SPTBN5: variants seen among roughly 807,000 people sequenced by gnomAD.
The protein encoded by SPTBN5 is spectrin beta, non-erythrocytic 5, also known as spectrin beta chain, non-erythrocytic 5.
SPTBN5 carries 513 observed loss-of-function variants against 477.6 expected under a neutral mutation model. The observed-to-expected ratio is 1.07, with a 90% CI of 1.00 to 1.16. The LOEUF is 1.16. SPTBN5 is among the 50% of genes most tolerant of loss of function. The probability of loss-of-function intolerance (pLI) is 0.00; values close to 1 mark genes in which losing one functional copy is unlikely to be tolerated. For missense variants in SPTBN5, 5,062 were observed against 4,731.8 expected (o/e 1.07, Z -2.05); for synonymous variants, 2,169 against 2,011.7 (o/e 1.08, Z -2.09).
In SPTBN5 at chr15:41,883,358, T is replaced by A; in HGVS notation, c.1649A>T (p.Glu550Val). 6.2e-7 allele frequency: 1 copy of A among 1,613,254 alleles called. No homozygotes were observed. Among genetic ancestry groups the A allele is most frequent in the Non-Finnish European group, 8.5e-7 (1 of 1,179,778 alleles). The change falls in exon 8 of 68, where the codon GAG becomes GTG. Residue 550 changes from glutamate (E) to valine (V), a missense_variant. Glu to Val is a moderately radical substitution (Grantham distance 121). Transcript: ENST00000320955. ...QEVEAASHQL[E>V]ELQEPARSTA... ...TGGTCCAGTGCCCACCTGCAGCTCCTCCAGCTGGTGGGAGGCAGCCTCCAC... is the reference window on the plus strand; with the variant it reads ...TGGTCCAGTGCCCACCTGCAGCTCCACCAGCTGGTGGGAGGCAGCCTCCAC...
chr15:41,856,335 C>A, intron 53 of SPTBN5, 51 bp downstream of exon 53: 1 of 1,462,046 alleles, frequency 6.8e-7, no homozygotes, highest in South Asian at 1.4e-5. Flanking sequence ...CAGCCGCACT[C>A]GCCCTGTGTT....
chr15:41,881,332 G>A lies in SPTBN5; in HGVS notation c.2458-98C>T, dbSNP rs1044395168. ...CCTCCGTGCCCTGAGACCTGGAGGC[G>A]CTGAGCTGTAGCTCAAAGGGTGTGT... On this transcript the variant is annotated intron_variant, in intron 12 of 67. Coordinates refer to ENST00000320955, the MANE Select transcript of SPTBN5 (RefSeq NM_016642.4). The A allele has an allele frequency of 5.8e-5, 57 of 981,590 alleles. No homozygotes were observed. In the Middle Eastern group the frequency reaches 2.0e-3, roughly 34 times the overall value. 60.8% of individuals were successfully genotyped at this position (981,590 alleles called of 1,614,324 possible). A position where few individuals can be genotyped will look rare whatever the true frequency, so the allele number is the denominator to read the frequency against.
chr15:41,863,743 G>T lies in SPTBN5; in HGVS notation c.7110C>A (p.Ser2370=). The T allele has an allele frequency of 3.7e-6, 6 of 1,613,644 alleles. No homozygotes were observed. The highest frequency in any genetic ancestry group is 5.1e-6 in the Non-Finnish European group (6 of 1,179,882). The change falls in exon 41 of 68, where the codon TCC becomes TCA. Residue 2370 remains serine (S), a synonymous_variant. Coordinates refer to ENST00000320955, the MANE Select transcript of SPTBN5 (RefSeq NM_016642.4). ...LEGALEIHVL[S]RELDNVTKRI... ...TCTTGGTGACATTGTCCAGCTCTCG[G>T]GACAACACGTGTATCTCCAAGGCCC...
At position 41,893,362 on chromosome 15, in the gene SPTBN5, G is replaced by A. The variant is rs371704403; in HGVS notation, c.136C>T (p.Arg46Cys). The A allele has an allele frequency of 5.9e-5, 96 of 1,613,856 alleles. No homozygotes were observed. Among genetic ancestry groups the A allele is most frequent in the Middle Eastern group, 3.3e-4 (2 of 6,082 alleles). Residue 46 changes from arginine (R) to cysteine (C), a missense_variant, in exon 2 of 68, where the codon CGC becomes TGC. Physicochemically the swap from Arg to Cys is radical, Grantham distance 180. Coordinates refer to ENST00000320955, the MANE Select transcript of SPTBN5 (RefSeq NM_016642.4). ...TGCATGTGCCGGGCCTGTAGCTTGCGAATGTGGCCCGTCTCGTACTGAGAG... is the reference window on the plus strand; with the variant it reads ...TGCATGTGCCGGGCCTGTAGCTTGCAAATGTGGCCCGTCTCGTACTGAGAG... ...MDSQYETGHI[R>C]KLQARHMQMQ...
chr15:41,884,277 C>A (rs570556890), intron 7 of SPTBN5, among the ~76,000 whole-genome samples: 1 of 151,956 alleles, frequency 6.6e-6, no homozygotes, highest in African/African-American at 2.4e-5. Flanking sequence ...TGAGCCACTG[C>A]GCCCGGCCAA....
In SPTBN5 at chr15:41,876,819, C is replaced by T. The variant is rs1013384057; in HGVS notation, c.3841G>A (p.Ala1281Thr). 1.3e-6 allele frequency: 2 copies of T among 1,597,136 alleles called. No homozygotes were observed. The highest frequency in any genetic ancestry group is 1.7e-6 in the Non-Finnish European group (2 of 1,175,270). The part of the protein sequence containing the change: ...GEKLVQSQHP[A>T]AHTVREQLQS... ...TGAGGCCAGGCTCACGTGTGTGCAG[C>T]TGGGTGCTGGCTCTGAACCAGCTTC... The change falls in exon 19 of 68, where the codon GCT (alanine) becomes ACT (threonine). Residue 1281 changes from alanine (A) to threonine (T), a missense_variant. Coordinates refer to ENST00000320955, the MANE Select transcript of SPTBN5 (RefSeq NM_016642.4).
chr15:41,870,538 C>T lies in SPTBN5; in HGVS notation c.5470G>A (p.Glu1824Lys). 1 of 1,610,246 alleles carries T rather than the reference C, an allele frequency of 6.2e-7. No individual in the cohort carries two copies. The highest frequency in any genetic ancestry group is 8.5e-7 in the Non-Finnish European group (1 of 1,179,740). ...GCGTGGCCTCGGGCCTGGGTCAGCT[C>T]CCACAGCTCCGACCAGGCGGTCCTG... ...DLQTAWSELW[E>K]LTQARGHALR... The change falls in exon 30 of 68, where the codon GAG (glutamate) becomes AAG (lysine). Residue 1824 changes from glutamate to lysine, a missense_variant. By Grantham distance (56) the Glu-to-Lys change is moderately conservative. Coordinates refer to ENST00000320955, the MANE Select transcript of SPTBN5 (RefSeq NM_016642.4).
Position 41,851,128 on chromosome 15 carries a change from A to C in SPTBN5, c.10766T>G (p.Leu3589Arg). ...CTCACACCGGGCTCCCGTGAGGTCAAGGAGGGCTATGGAAGCTACTTTCTG... is the reference window on the plus strand; with the variant it reads ...CTCACACCGGGCTCCCGTGAGGTCACGGAGGGCTATGGAAGCTACTTTCTG... ...AAEKVASIAL[L>R]DLTGARCERL... The change falls in exon 65 of 68, where the codon CTT becomes CGT. Residue 3589 changes from leucine (L) to arginine (R), a missense_variant. Transcript: ENST00000320955. 1 of 1,613,292 alleles carries C rather than the reference A, an allele frequency of 6.2e-7. No homozygotes were observed. The highest frequency in any genetic ancestry group is 1.1e-5 in the South Asian group (1 of 91,006).
At chr15:41,856,210 A>C (rs545306941) in intron 53 of SPTBN5, among the ~76,000 whole-genome samples, 176 bp downstream of exon 53, 9 of 152,398 alleles carry the variant, frequency 5.9e-5, no homozygotes, top group South Asian at 2.1e-4. Flanking sequence ...GACAAAAGCC[A>C]ACCCAGCCAG....
intron 43 of SPTBN5, 59 bp from the exon 44 acceptor site, chr15:41,862,351 A>G: frequency 6.5e-7 from 1 of 1,544,332 alleles, no homozygotes; most frequent in Non-Finnish European, 8.7e-7. Flanking sequence ...CCCCATGCCC[A>G]CTGGTGTCTT....
At chr15:41,869,767 A>G in intron 32 of SPTBN5, 74 bp downstream of exon 32, 2 of 1,360,890 alleles carry the variant, frequency 1.5e-6, no homozygotes, top group South Asian at 1.7e-5. Context: ...GGAGGGCCTC[A>G]TGCGTGCATG....
intron 56 of SPTBN5, 33 bp downstream of exon 56, chr15:41,854,749 C>T (rs771193401): frequency 2.0e-6 from 3 of 1,469,424 alleles, no homozygotes. Flanking sequence ...GACTCTGACA[C>T]CCCTTAGCTT....
intron 32 of SPTBN5, 134 bp downstream of exon 32, chr15:41,869,707 T>C (rs2066464300): frequency 2.1e-6 from 2 of 934,778 alleles, no homozygotes; most frequent in East Asian, 6.5e-5. Flanking sequence ...TGACATCCCG[T>C]GTGCTCGTGC....
At chr15:41,855,479 G>A (rs1274790435) in intron 54 of SPTBN5, 51 bp from the exon 55 acceptor site, 1 of 1,592,704 alleles carries the variant, frequency 6.3e-7, no homozygotes, top group Non-Finnish European at 8.6e-7. Context: ...TTCCAGGCTG[G>A]AGCAGTCTCC....
intron 41 of SPTBN5, 61 bp downstream of exon 41, chr15:41,863,643 T>C (rs1648841): frequency 0.28 from 384,743 of 1,352,952 alleles, 57,624 homozygotes; most frequent in Middle Eastern, 0.41. Flanking sequence ...CTCTAGGCAG[T>C]GCCCCCTCCC....
At position 41,881,099 on chromosome 15, in the gene SPTBN5, T is replaced by C; in HGVS notation, c.2593A>G (p.Asn865Asp). The C allele has an allele frequency of 6.2e-7, 1 of 1,612,578 alleles. No homozygotes were observed. ...TGGTCCTGTGTCTGGAGTATAGTGT[T>C]GGGATCAAAGTCAGGGTCAGGCTCA... ...PAEPDPDFDP[N>D]TILQTQDHLS... Residue 865 changes from asparagine (N) to aspartate (D), a missense_variant, in exon 13 of 68, where the codon AAC (asparagine) becomes GAC (aspartate). Physicochemically the swap from Asn to Asp is conservative, Grantham distance 23. Coordinates refer to ENST00000320955, the MANE Select transcript of SPTBN5 (RefSeq NM_016642.4).
chr15:41,885,911 C>A lies in SPTBN5; in HGVS notation c.1344G>T (p.Val448=). The A allele has an allele frequency of 6.3e-7, 1 of 1,584,124 alleles. No homozygotes were observed. Among genetic ancestry groups the A allele is most frequent in the Non-Finnish European group, 8.6e-7 (1 of 1,165,322 alleles). Residue 448 remains valine, a synonymous_variant, in exon 7 of 68, where the codon GTG becomes GTT. Transcript: ENST00000320955. The part of the protein sequence containing the change: ...RESFLKDAEQ[V]LDQARAPPAS... ...CTGGCGGGGCTCTGGCCTGGTCTAG[C>A]ACCTGCTCTGCATCCTTAAGGAAAC...
intron 52 of SPTBN5, 82 bp downstream of exon 52, chr15:41,856,771 G>T: frequency 2.1e-6 from 3 of 1,422,840 alleles, no homozygotes; most frequent in Non-Finnish European, 2.8e-6. Flanking sequence ...AGAGTTCCTG[G>T]CTGGGCCACA....
In SPTBN5 at chr15:41,852,771, G is replaced by T. The variant is rs202081935; in HGVS notation, c.10348-36C>A. ...GCATGTTCAGGTGACGCCCAGCTTGGGGGGGGGGGCCCAGAGCCTGGTAGC... is the reference window on the plus strand; with the variant it reads ...GCATGTTCAGGTGACGCCCAGCTTGTGGGGGGGGGCCCAGAGCCTGGTAGC... On this transcript the variant is annotated intron_variant, in intron 60 of 67. Transcript: ENST00000320955. The T allele has an allele frequency of 1.4e-3, 2,264 of 1,570,178 alleles. 8 individuals carry two copies. The highest frequency in any genetic ancestry group is 1.8e-3 in the Non-Finnish European group (2,117 of 1,169,670).
Sources: gnomAD v4.1 joint callset for allele counts (sites outside exome capture counted in the v4.1 genomes callset) on GRCh38, gnomAD v4.1.1 for gene constraint, MANE v1.5 for transcripts, NCBI Gene and HGNC (gene_info 2026-07-23, HGNC 2026-07-21) for gene names.